The following SPRY3 variants were observed in gnomAD, a reference collection of about 807,000 sequenced individuals.
SPRY3 encodes protein sprouty homolog 3.
A neutral mutation model predicts 20.2 loss-of-function variants in SPRY3; 15 were observed. The observed-to-expected ratio is 0.74, with a 90% CI of 0.50 to 1.14. The LOEUF (loss-of-function observed/expected upper bound fraction) is 1.14, where lower values mean the gene tolerates loss of function less well. SPRY3 is among the 50% of genes most tolerant of loss of function. SPRY3 has a pLI of 0.00. For missense variants in SPRY3, 364 were observed against 363.9 expected, an observed-to-expected ratio of 1.00 and a Z score of 0.00; for synonymous variants, 143 against 136.5, an observed-to-expected ratio of 1.05 and a Z score of -0.33.
At chrX:155,746,385 TA>T (rs1312486229) in intron 2 of SPRY3, among the ~76,000 whole-genome samples, 1 of 151,970 alleles carries the variant, frequency 6.6e-6, no homozygotes, top group African/African-American at 2.4e-5. Flanking sequence ...ATCAGCAACA[TA>T]TTAACTTTCT....
At chrX:155,734,191 C>A (rs1197092279) in intron 2 of SPRY3, among the ~76,000 whole-genome samples, 1 of 152,050 alleles carries the variant, frequency 6.6e-6, no homozygotes, top group Non-Finnish European at 1.5e-5. Context: ...TAAGCTTTAT[C>A]ATTTCTAGCT....
At chrX:155,697,401 T>C (rs2068122306) in intron 2 of SPRY3, among the ~76,000 whole-genome samples, 1 of 109,542 alleles carries the variant, frequency 9.1e-6, no homozygotes, top group Non-Finnish European at 1.9e-5. Context: ...AACTACACCA[T>C]TGGCATTTCT....
At chrX:155,698,463 T>C (rs1452575078) in intron 2 of SPRY3, among the ~76,000 whole-genome samples, 1 of 111,797 alleles carries the variant, frequency 8.9e-6, no homozygotes, top group Non-Finnish European at 1.9e-5. Flanking sequence ...CTAACCCTGA[T>C]ATGGTGGCAA....
chrX:155,736,561 C>A (rs1252299408), intron 2 of SPRY3, among the ~76,000 whole-genome samples: 2 of 151,964 alleles, frequency 1.3e-5, no homozygotes, highest in Admixed American at 1.3e-4. Flanking sequence ...AATTCTTACC[C>A]TTGTTCTTCT....
At chrX:155,768,938 T>C (rs891730452) in intron 3 of SPRY3, among the ~76,000 whole-genome samples, 15 of 152,248 alleles carry the variant, frequency 9.9e-5, no homozygotes, top group Admixed American at 8.5e-4. Flanking sequence ...AAATCTATTT[T>C]GAAATGGAAA....
chrX:155,643,737 G>A (rs1363126909), intron 1 of SPRY3, among the ~76,000 whole-genome samples: 2 of 111,503 alleles, frequency 1.8e-5, no homozygotes, highest in Non-Finnish European at 3.8e-5. Context: ...AAAGTGAAAG[G>A]AAAACTAATA....
intron 1 of SPRY3, among the ~76,000 whole-genome samples, chrX:155,636,205 G>T (rs1338739662): frequency 9.0e-6 from 1 of 111,675 alleles, no homozygotes; most frequent in Non-Finnish European, 1.9e-5. Flanking sequence ...AATCAGGAAA[G>T]GCTACTCTAC....
At chrX:155,772,616 G>A (rs1015147971) in intron 3 of SPRY3, among the ~76,000 whole-genome samples, 5 of 151,958 alleles carry the variant, frequency 3.3e-5, no homozygotes, top group African/African-American at 1.2e-4. Context: ...TGACTCTTCA[G>A]TCTTCTAGGT....
intron 1 of SPRY3, among the ~76,000 whole-genome samples, chrX:155,614,043 T>C (rs987712181): frequency 2.7e-5 from 3 of 111,931 alleles, no homozygotes; most frequent in African/African-American, 9.8e-5. Flanking sequence ...CAAAAGGACA[T>C]ATCCAGAGTG....
chrX:155,645,708 G>A (rs972249044), intron 1 of SPRY3, among the ~76,000 whole-genome samples: 2 of 112,484 alleles, frequency 1.8e-5, no homozygotes, highest in African/African-American at 6.5e-5. Flanking sequence ...TGGGGGAAGG[G>A]TGGTATCAGT....
At chrX:155,645,091 CA>C (rs1184300862) in intron 1 of SPRY3, among the ~76,000 whole-genome samples, 1 of 111,675 alleles carries the variant, frequency 9.0e-6, no homozygotes, top group Non-Finnish European at 1.9e-5. Flanking sequence ...TTCAATGCAG[CA>C]AGTTCCCTTC....
At chrX:155,773,712 A>G (rs2091398844) in intron 3 of SPRY3, 54 bp from the exon 3 acceptor site, 2 of 804,822 alleles carry the variant, frequency 2.5e-6, no homozygotes, top group African/African-American at 1.7e-5. Context: ...GGTTTCTTGC[A>G]AAGTACTTAT....
chrX:155,743,469 G>C (rs2091212767), intron 2 of SPRY3, among the ~76,000 whole-genome samples: 1 of 152,074 alleles, frequency 6.6e-6, no homozygotes, highest in Non-Finnish European at 1.5e-5. Context: ...GGACAACCTG[G>C]GCATGTTACT....
chrX:155,713,232 G>A (rs1388773321), intron 2 of SPRY3, among the ~76,000 whole-genome samples: 2 of 152,032 alleles, frequency 1.3e-5, no homozygotes, highest in African/African-American at 2.4e-5. Context: ...TAAGTTAAGA[G>A]AAGCTTACAC....
intron 1 of SPRY3, among the ~76,000 whole-genome samples, chrX:155,625,162 A>G (rs781943391): frequency 1.1e-4 from 12 of 111,632 alleles, no homozygotes; most frequent in Admixed American, 1.9e-4. Context: ...ATGAGGTACA[A>G]TGTGATGCTT....
intron 2 of SPRY3, among the ~76,000 whole-genome samples, chrX:155,746,465 A>G (rs1483467563): frequency 6.6e-6 from 1 of 152,048 alleles, no homozygotes; most frequent in African/African-American, 2.4e-5. Flanking sequence ...AAACAATTAG[A>G]AAATCATCTT....
At chrX:155,658,443 G>A (rs188768333) in intron 2 of SPRY3, among the ~76,000 whole-genome samples, 1 of 111,871 alleles carries the variant, frequency 8.9e-6, no homozygotes, top group East Asian at 2.8e-4. Flanking sequence ...AATGTTTGTA[G>A]CTATTGCAAA....
intron 1 of SPRY3, among the ~76,000 whole-genome samples, chrX:155,636,318 T>C (rs2067923331): frequency 8.9e-6 from 1 of 111,946 alleles, no homozygotes; most frequent in Non-Finnish European, 1.9e-5. Context: ...CTGGGGAACC[T>C]CTTTGTATTT....
intron 2 of SPRY3, among the ~76,000 whole-genome samples, chrX:155,757,338 T>C (rs1457725302): frequency 5.3e-5 from 8 of 152,150 alleles, no homozygotes; most frequent in Non-Finnish European, 7.4e-5. Context: ...GCCTTCCCCA[T>C]ATAGCTGGAT....
Sources: allele counts gnomAD v4.1 joint callset (sites outside exome capture counted in the v4.1 genomes callset), GRCh38; gene constraint gnomAD v4.1.1; transcripts MANE v1.5; gene names NCBI Gene and HGNC (gene_info 2026-07-23, HGNC 2026-07-21).